Variants in PCDHGA1 observed in about 807,000 individuals in gnomAD.
PCDHGA1 encodes protocadherin gamma-A1.
PCDHGA1 carries 32 observed loss-of-function variants against 58.0 expected under a neutral mutation model. The observed-to-expected ratio is 0.55, with a 90% CI of 0.42 to 0.74. PCDHGA1 has a LOEUF of 0.74. Among genes scored for constraint, PCDHGA1 ranks in the 30% least tolerant of loss-of-function variants. The pLI is 0.00. For missense variants in PCDHGA1, 1,205 were observed against 1,182.3 expected, an observed-to-expected ratio of 1.02 and a Z score of -0.28; for synonymous variants, 498 against 501.1, an observed-to-expected ratio of 0.99 and a Z score of 0.08.
At chr5:141,369,369 T>G (rs1354774956) in intron 1 of PCDHGA1, among the ~76,000 whole-genome samples, 28 of 152,158 alleles carry the variant, frequency 1.8e-4, no homozygotes, top group Admixed American at 1.8e-3. Flanking sequence ...AAAACATCCT[T>G]TGTAAAAGTT....
intron 1 of PCDHGA1, chr5:141,341,725 T>G: frequency 2.1e-6 from 1 of 466,714 alleles, no homozygotes; most frequent in South Asian, 3.9e-5. Flanking sequence ...AGATCAACAA[T>G]TTTTTCTTTG....
intron 1 of PCDHGA1, among the ~76,000 whole-genome samples, chr5:141,480,274 G>A (rs111260319): frequency 6.6e-6 from 1 of 152,036 alleles, no homozygotes; most frequent in Non-Finnish European, 1.5e-5. Context: ...CATTAGCTGG[G>A]TGTGTTGGCA....
intron 1 of PCDHGA1, chr5:141,399,287 C>A: frequency 6.2e-7 from 1 of 1,613,912 alleles, no homozygotes; most frequent in Non-Finnish European, 8.5e-7. Context: ...GGCGAAGTCC[C>A]TTTTAAGATT....
rs769553840 is a variant in PCDHGA1 at position 141,352,577 on chromosome 5, C to T, written c.2421+19472C>T. The T allele has an allele frequency of 6.2e-6, 10 of 1,613,958 alleles. No individual in the cohort carries two copies. In the East Asian group the frequency reaches 1.6e-4, roughly 25 times the overall value. ...CAACCTGACACCGGAAATGGCTCCC[C>T]CTCAGGATCTGCTGTGTGATGATCC... On this transcript the variant is annotated intron_variant, in intron 1 of 3. Transcript: ENST00000517417.
At chr5:141,400,796 A>G (rs2094076929) in intron 1 of PCDHGA1, 1 of 559,742 alleles carries the variant, frequency 1.8e-6, no homozygotes. Context: ...CCTCTTTCTC[A>G]AAGCTAATGA....
chr5:141,389,081 G>C (rs371979686), intron 1 of PCDHGA1: 2 of 1,613,978 alleles, frequency 1.2e-6, no homozygotes, highest in Admixed American at 1.7e-5. Flanking sequence ...CAAGAAACAC[G>C]TATAAATTAG....
chr5:141,423,636 C>A, intron 1 of PCDHGA1: 1 of 1,598,388 alleles, frequency 6.3e-7, no homozygotes, highest in Non-Finnish European at 8.5e-7. Context: ...TCATTTTAGG[C>A]AAATGTGACC....
At chr5:141,404,661 A>G (rs930319561) in intron 1 of PCDHGA1, 1 of 1,614,098 alleles carries the variant, frequency 6.2e-7, no homozygotes. Context: ...CTCCCCACTG[A>G]TGGTTCTACT....
intron 1 of PCDHGA1, chr5:141,387,632 C>T (rs1345144425): frequency 3.4e-6 from 2 of 586,890 alleles, no homozygotes; most frequent in Non-Finnish European, 5.9e-6. Context: ...ACTCTGGGCG[C>T]CGCTGTTGGC....
At chr5:141,400,143 T>C (rs2093969868) in intron 1 of PCDHGA1, 2 of 1,613,986 alleles carry the variant, frequency 1.2e-6, no homozygotes, top group Admixed American at 3.3e-5. Flanking sequence ...CGGATATCAC[T>C]GACCGCCCTG....
In PCDHGA1 at chr5:141,360,397, G is replaced by A. The variant is rs776903612; in HGVS notation, c.2421+27292G>A. Reference sequence around the variant, plus strand: ...AGAAAGCGGAGACTTACTTGTGAGTGACAGAATAGACCGAGAACAGATATG... The same window carrying A: ...AGAAAGCGGAGACTTACTTGTGAGTAACAGAATAGACCGAGAACAGATATG... On this transcript the variant is annotated intron_variant, in intron 1 of 3. Coordinates refer to ENST00000517417, the MANE Select transcript of PCDHGA1 (RefSeq NM_018912.3). 4.3e-6 allele frequency: 7 copies of A among 1,613,928 alleles called. No individual in the cohort carries two copies. The highest frequency in any genetic ancestry group is 2.2e-5 in the East Asian group (1 of 44,868).
chr5:141,376,538 T>C, intron 1 of PCDHGA1: 1 of 1,613,126 alleles, frequency 6.2e-7, no homozygotes, highest in African/African-American at 1.3e-5. Flanking sequence ...GCGGGAAGAG[T>C]AATCTGATCT....
intron 1 of PCDHGA1, among the ~76,000 whole-genome samples, chr5:141,475,629 C>T (rs77593456): frequency 0.054 from 8,157 of 152,234 alleles, 446 homozygotes; most frequent in African/African-American, 0.15. Flanking sequence ...TGGTTCGATC[C>T]CCTTTCTTGT....
intron 1 of PCDHGA1, chr5:141,361,323 T>G (rs1451101263): frequency 6.2e-7 from 1 of 1,613,880 alleles, no homozygotes; most frequent in Non-Finnish European, 8.5e-7. Context: ...TTTTGAAATC[T>G]TCCTCAAAGA....
At chr5:141,343,708 G>A (rs1757311436) in intron 1 of PCDHGA1, 1 of 219,928 alleles carries the variant, frequency 4.5e-6, no homozygotes, top group Non-Finnish European at 8.8e-6. Flanking sequence ...TGACAAGAAG[G>A]ATTTCAGATC....
intron 2 of PCDHGA1, 69 bp from the exon 3 acceptor site, chr5:141,505,324 G>T: frequency 6.2e-7 from 1 of 1,607,102 alleles, no homozygotes; most frequent in African/African-American, 1.3e-5. Context: ...GGAGCCCTGG[G>T]AGAGGACAGG....
At chr5:141,376,274 G>A (rs773118142) in intron 1 of PCDHGA1, 3 of 1,614,220 alleles carry the variant, frequency 1.9e-6, no homozygotes, top group Non-Finnish European at 1.7e-6. Flanking sequence ...TTCGGGAGGT[G>A]GCTTAGCGAG....
intron 1 of PCDHGA1, among the ~76,000 whole-genome samples, chr5:141,363,376 T>C (rs1762901403): frequency 6.6e-6 from 1 of 152,228 alleles, no homozygotes; most frequent in Admixed American, 6.5e-5. Context: ...TCAAGAGGTT[T>C]TTCTATTTCT....
chr5:141,485,826 G>A lies in PCDHGA1; in HGVS notation c.2422-8981G>A. The A allele has an allele frequency of 6.2e-7, 1 of 1,614,070 alleles. No individual in the cohort carries two copies. Among genetic ancestry groups the A allele is most frequent in the South Asian group, 1.1e-5 (1 of 91,078 alleles). Reference sequence around the variant, plus strand: ...CTGGTGCTGACTGCTGTCGATGGAGGGAACCCGCCGAGATCTGGCACCGCA... The same window carrying A: ...CTGGTGCTGACTGCTGTCGATGGAGAGAACCCGCCGAGATCTGGCACCGCA... On this transcript the variant is annotated intron_variant, in intron 1 of 3. Transcript: ENST00000517417. The surrounding 1 kb of genome is among the most constrained non-coding windows in gnomAD (Gnocchi z 5.7).
Sources: gnomAD v4.1 joint callset for allele counts (sites outside exome capture counted in the v4.1 genomes callset) on GRCh38, gnomAD v4.1.1 for gene constraint, Gnocchi (gnomAD v3.1) non-coding constraint, MANE v1.5 for transcripts, NCBI Gene and HGNC (gene_info 2026-07-23, HGNC 2026-07-21) for gene names.